GPR35: variants seen among roughly 807,000 people sequenced by gnomAD.
GPR35 encodes KYNA receptor.
For synonymous variants in GPR35, 207 were observed against 198.4 expected (o/e 1.04, Z -0.36); for missense variants, 372 against 422.5 (o/e 0.88, Z 1.05).
At chr2:240,620,043 G>A (rs1026963820) in intron 5 of GPR35, among the ~76,000 whole-genome samples, 1 of 152,226 alleles carries the variant, frequency 6.6e-6, no homozygotes, top group Non-Finnish European at 1.5e-5. Flanking sequence ...GGAAGGGGAA[G>A]GAGTCCGAGA....
rs962967975 is a variant in GPR35, at chr2:240,612,879, G to A, written c.-576-3509G>A. 3.3e-5 allele frequency among the ~76,000 whole-genome samples: 5 copies of A among 152,348 alleles called. No individual in the cohort carries two copies. In the East Asian group the frequency reaches 9.7e-4, roughly 29 times the overall value. On this transcript the variant is annotated intron_variant, in intron 2 of 5. Coordinates refer to the GPR35 transcript ENST00000319838. ...CAGCCTGCAGGGCCTCCTGGTGATGGTTCTCCAGAATTCTGCGATTGGAGC... is the reference window on the plus strand; with the variant it reads ...CAGCCTGCAGGGCCTCCTGGTGATGATTCTCCAGAATTCTGCGATTGGAGC...
intron 2 of GPR35, among the ~76,000 whole-genome samples, chr2:240,609,808 G>T (rs1057394602): frequency 6.6e-6 from 1 of 152,016 alleles, no homozygotes; most frequent in African/African-American, 2.4e-5. Flanking sequence ...TGAGATGAGG[G>T]TGTCATAATA....
chr2:240,622,893 C>G (rs1462226508), upstream of GPR35, among the ~76,000 whole-genome samples: 1 of 152,200 alleles, frequency 6.6e-6, no homozygotes, highest in African/African-American at 2.4e-5. Context: ...ACAGCAGGAC[C>G]CTGGCTGCCA....
Position 240,608,636 on chromosome 2 carries a change from G to T in GPR35, c.-577+2024G>T, listed in dbSNP as rs1054253747. Among the ~76,000 whole-genome samples, 3 of 152,050 alleles carry T rather than the reference G, an allele frequency of 2.0e-5. 1 individual carries two copies. Among genetic ancestry groups the T allele is most frequent in the African/African-American group, 7.2e-5 (3 of 41,408 alleles). ...ATTTGTTTTATATATTGCTGGATTT[G>T]ATTTGCTAATATTTTATTAAGGATT... On this transcript the variant is annotated intron_variant, in intron 2 of 5. Coordinates refer to the GPR35 transcript ENST00000319838.
At chr2:240,612,344 G>A (rs535378545) in intron 2 of GPR35, among the ~76,000 whole-genome samples, 14 of 151,032 alleles carry the variant, frequency 9.3e-5, no homozygotes, top group South Asian at 4.2e-4. Context: ...GGAGAATGGC[G>A]TGAACCCGGG....
rs568853870 is a variant in GPR35, at chr2:240,632,198, G to T, written c.*1316G>T. The stretch of plus-strand genomic sequence containing the variant: ...GGGTGTCCATGCCTGGTTGGGGGGG[G>T]TCTATGTCCAGGAGGGTCCCATGCC... On this transcript the variant is annotated 3_prime_UTR_variant, in exon 2 of 2. Transcript: ENST00000407714. Among the ~76,000 whole-genome samples, 2 of 151,568 alleles carry T rather than the reference G, an allele frequency of 1.3e-5. No homozygotes were observed. Among genetic ancestry groups the T allele is most frequent in the Non-Finnish European group, 2.9e-5 (2 of 67,848 alleles).
chr2:240,615,792 T>A (rs761622383), intron 2 of GPR35, among the ~76,000 whole-genome samples: 1 of 152,230 alleles, frequency 6.6e-6, no homozygotes, highest in Admixed American at 6.5e-5. Context: ...TTTCTCTACT[T>A]CTACAATTTT....
At chr2:240,614,306 C>T (rs2043218947) in intron 2 of GPR35, among the ~76,000 whole-genome samples, 1 of 152,172 alleles carries the variant, frequency 6.6e-6, no homozygotes, top group Non-Finnish European at 1.5e-5. Flanking sequence ...TGTAATTCTA[C>T]CTCTAGCCTT....
At chr2:240,616,663 G>A in intron 3 of GPR35, 1 of 663,218 alleles carries the variant, frequency 1.5e-6, no homozygotes, top group Non-Finnish European at 2.7e-6. Flanking sequence ...CCCCCAGTGG[G>A]TGATTCCTGC....
chr2:240,630,287 T>G lies in GPR35; in HGVS notation c.335T>G (p.Val112Gly). 1.3e-6 allele frequency: 2 copies of G among 1,568,172 alleles called. No homozygotes were observed. Among genetic ancestry groups the G allele is most frequent in the Non-Finnish European group, 1.7e-6 (2 of 1,161,878 alleles). ...MSISLVTAIA[V>G]DRYVAVRHPL... is the part of the protein sequence containing the mutation. ...ATCAGCCTGGTCACGGCCATCGCCG[T>G]GGACCGCTATGTGGCCGTGCGGCAC... The change falls in exon 2 of 2, where the codon GTG (valine) becomes GGG (glycine). Residue 112 changes from valine (V) to glycine (G), a missense_variant. Physicochemically the swap from Val to Gly is moderately radical, Grantham distance 109. Transcript: ENST00000407714.
In GPR35 at chr2:240,631,287, G is replaced by T; in HGVS notation, c.*405G>T. The T allele has an allele frequency of 4.3e-6, 1 of 230,816 alleles. No homozygotes were observed. Among genetic ancestry groups the T allele is most frequent in the Non-Finnish European group, 9.3e-6 (1 of 108,038 alleles). 14.3% of individuals were successfully genotyped at this position (230,816 alleles called of 1,614,324 possible). A position where few individuals can be genotyped will look rare whatever the true frequency, so the allele number is the denominator to read the frequency against. ...GGGGCCCTCTGTGTTTCGCACTCGTGTGGTGGGAGGCAGGGAGGGAGCGCG... is the reference window on the plus strand; with the variant it reads ...GGGGCCCTCTGTGTTTCGCACTCGTTTGGTGGGAGGCAGGGAGGGAGCGCG... On this transcript the variant is annotated 3_prime_UTR_variant, in exon 2 of 2. Transcript: ENST00000407714.
In GPR35 at chr2:240,630,997, T is replaced by C; in HGVS notation, c.*115T>C. ...CGAGATCAGCCCTGAACTCACTGTG[T>C]ATTCTCTTGGAGCCTTGGGTGGGCA... On this transcript the variant is annotated 3_prime_UTR_variant, in exon 2 of 2. Coordinates refer to ENST00000407714, the MANE Select transcript of GPR35 (RefSeq NM_005301.5). 1.2e-6 allele frequency: 1 copy of C among 858,544 alleles called. No homozygotes were observed. The highest frequency in any genetic ancestry group is 1.8e-6 in the Non-Finnish European group (1 of 541,282). The allele number at this position is 858,544 out of a possible 1,614,324, so 53.2% of individuals were successfully genotyped here.
upstream of GPR35, among the ~76,000 whole-genome samples, chr2:240,622,347 T>C (rs2125482684): frequency 6.6e-6 from 1 of 152,192 alleles, no homozygotes; most frequent in Non-Finnish European, 1.5e-5. Flanking sequence ...GGTCTCAAGG[T>C]GGAGCTGAAC....
At chr2:240,620,386 C>T (rs930162383) in intron 5 of GPR35, among the ~76,000 whole-genome samples, 1 of 152,114 alleles carries the variant, frequency 6.6e-6, no homozygotes, top group African/African-American at 2.4e-5. Context: ...GTGGAGACGG[C>T]CCCTGAGTGC....
intron 1 of GPR35, among the ~76,000 whole-genome samples, chr2:240,625,820 C>T (rs1192186650): frequency 2.8e-5 from 2 of 72,126 alleles, no homozygotes; most frequent in Non-Finnish European, 5.3e-5. Flanking sequence ...TGGGGTGAGG[C>T]TGTGATGGGT....
intron 3 of GPR35, among the ~76,000 whole-genome samples, chr2:240,616,741 TAA>T (rs767683322): frequency 3.0e-5 from 3 of 99,926 alleles, no homozygotes; most frequent in African/African-American, 7.9e-5. Flanking sequence ...AACAATACAG[TAA>T]AAAAAAAAAA....
Position 240,625,512 on chromosome 2 carries a change from G to T in GPR35, c.-61G>T, listed in dbSNP as rs2043358252. 1.0e-6 allele frequency: 1 copy of T among 985,948 alleles called. No individual in the cohort carries two copies. Among genetic ancestry groups the T allele is most frequent in the Non-Finnish European group, 1.2e-6 (1 of 830,330 alleles). 61.1% of individuals were successfully genotyped at this position (985,948 alleles called of 1,614,324 possible). A position where few individuals can be genotyped will look rare whatever the true frequency, so the allele number is the denominator to read the frequency against. On this transcript the variant is annotated 5_prime_UTR_variant, in exon 1 of 2. Coordinates refer to ENST00000407714, the MANE Select transcript of GPR35 (RefSeq NM_005301.5). ...CCAGCCCTTCTCAGACAGCCACTGT[G>T]CAGGCTTTGGCAGCGGGGGTCACAC...
chr2:240,630,005 C>A lies in GPR35; in HGVS notation c.53C>A (p.Ala18Glu). The A allele has an allele frequency of 2.5e-6, 4 of 1,611,816 alleles. No homozygotes were observed. In the South Asian group the frequency reaches 4.4e-5, roughly 18 times the overall value. Reference sequence around the variant, plus strand: ...TCCAGCGACCTCACCTGGCCCCCAGCGATCAAGCTGGGCTTCTACGCCTAC... The same window carrying A: ...TCCAGCGACCTCACCTGGCCCCCAGAGATCAAGCTGGGCTTCTACGCCTAC... ...CGSSDLTWPP[A>E]IKLGFYAYLG... Residue 18 changes from alanine to glutamate, a missense_variant, in exon 2 of 2, where the codon GCG becomes GAG. Coordinates refer to ENST00000407714, the MANE Select transcript of GPR35 (RefSeq NM_005301.5).
At chr2:240,626,298 T>G (rs111452180) in intron 1 of GPR35, among the ~76,000 whole-genome samples, 3 of 1,732 alleles carry the variant, frequency 1.7e-3, no homozygotes, top group Admixed American at 6.7e-3. Flanking sequence ...GAGGCTGTGA[T>G]GGGGTCTCAG....
Sources: gnomAD v4.1 joint callset for allele counts (sites outside exome capture counted in the v4.1 genomes callset) on GRCh38, gnomAD v4.1.1 for gene constraint, MANE v1.5 for transcripts, NCBI Gene and HGNC (gene_info 2026-07-23, HGNC 2026-07-21) for gene names.